The following TMEM132C variants were observed in gnomAD, a reference collection of about 807,000 sequenced individuals.
TMEM132C encodes transmembrane protein 132C.
TMEM132C carries 29 observed loss-of-function variants against 61.4 expected under a neutral mutation model. The observed-to-expected ratio is 0.47, with a 90% confidence interval of 0.35 to 0.64. TMEM132C has a LOEUF of 0.64. TMEM132C is among the 30% of genes least tolerant of loss of function. The pLI is 0.00. For missense variants in TMEM132C, 1,408 were observed against 1,476.9 expected (o/e 0.95, Z 0.76); for synonymous variants, 656 against 633.1 (o/e 1.04, Z -0.54).
intron 3 of TMEM132C, among the ~76,000 whole-genome samples, chr12:128,597,454 C>A (rs1876010145): frequency 6.7e-6 from 1 of 149,134 alleles, no homozygotes; most frequent in South Asian, 2.2e-4. Context: ...CTCCAGCCTG[C>A]AGAAAGAGAG....
At chr12:128,622,343 C>CAAAAAAAAAAAA (rs71069584) in intron 4 of TMEM132C, among the ~76,000 whole-genome samples, 1 of 16,106 alleles carries the variant, frequency 6.2e-5, no homozygotes, top group African/African-American at 2.1e-4. Flanking sequence ...GACTTTGTCT[C>CAAAAAAAAAAAA]AAAAAAAAAA....
chr12:128,484,699 G>A (rs977135885), intron 2 of TMEM132C, among the ~76,000 whole-genome samples: 3 of 152,198 alleles, frequency 2.0e-5, no homozygotes, highest in African/African-American at 7.2e-5. Flanking sequence ...ACTCATGCCT[G>A]TAATCTCAGC....
intron 2 of TMEM132C, among the ~76,000 whole-genome samples, chr12:128,443,482 G>T (rs1869867709): frequency 6.6e-6 from 1 of 152,150 alleles, no homozygotes; most frequent in Non-Finnish European, 1.5e-5. Flanking sequence ...TTTAAATTTA[G>T]CTGGAGGCAT....
chr12:128,425,821 A>G (rs944607286), intron 2 of TMEM132C, among the ~76,000 whole-genome samples: 1 of 152,138 alleles, frequency 6.6e-6, no homozygotes, highest in African/African-American at 2.4e-5. Flanking sequence ...CCTTTCTCTT[A>G]CTAGGACATC....
At position 128,415,887 on chromosome 12, in the gene TMEM132C, C is replaced by A. The variant is rs1305828846; in HGVS notation, c.974+267C>A. ...GATGAGAGTAATCCGCCTCTCTAGA[C>A]CTTCAGTTATCCTCACACTTGGAGA... On this transcript the variant is annotated intron_variant, in intron 2 of 8. Coordinates refer to ENST00000435159, the MANE Select transcript of TMEM132C (RefSeq NM_001136103.3). The surrounding 1 kb of genome is among the most constrained non-coding windows in gnomAD (Gnocchi z 5.8). Among the ~76,000 whole-genome samples, 1 of 152,114 alleles carries A rather than the reference C, an allele frequency of 6.6e-6. No individual in the cohort carries two copies. Among genetic ancestry groups the A allele is most frequent in the Non-Finnish European group, 1.5e-5 (1 of 68,028 alleles).
At chr12:128,311,788 G>A (rs1206117295) in intron 1 of TMEM132C, among the ~76,000 whole-genome samples, 1 of 152,184 alleles carries the variant, frequency 6.6e-6, no homozygotes, top group Non-Finnish European at 1.5e-5. Context: ...AGGCCAGCGA[G>A]GCCCCACCTC....
intron 1 of TMEM132C, among the ~76,000 whole-genome samples, chr12:128,325,406 C>T (rs1303745455): frequency 6.6e-6 from 1 of 152,078 alleles, no homozygotes; most frequent in Non-Finnish European, 1.5e-5. Flanking sequence ...TCACCATTCG[C>T]CGTTTGCTGT....
chr12:128,317,608 G>C (rs1444494756), intron 1 of TMEM132C, among the ~76,000 whole-genome samples: 5 of 152,224 alleles, frequency 3.3e-5, no homozygotes, highest in Non-Finnish European at 7.3e-5. Flanking sequence ...AATTAGGCCA[G>C]TCACATTGGC....
chr12:128,669,048 ATTC>A lies in TMEM132C; in HGVS notation c.1306-368_1306-366del, dbSNP rs573946242. Among the ~76,000 whole-genome samples, 178 of 152,324 alleles carry A rather than the reference ATTC, an allele frequency of 1.2e-3. 1 individual carries two copies. Among genetic ancestry groups the A allele is most frequent in the Middle Eastern group, 0.01 (3 of 294 alleles). On this transcript the variant is annotated intron_variant, in intron 4 of 8. Coordinates refer to ENST00000435159, the MANE Select transcript of TMEM132C (RefSeq NM_001136103.3). Reference sequence around the variant, plus strand: ...TTGCAGGAGGTGAGAGGAAAGCATTATTCAACTTACTGTGCTTGCTCAAGGTAC... The same window carrying A: ...TTGCAGGAGGTGAGAGGAAAGCATTAAACTTACTGTGCTTGCTCAAGGTAC...
chr12:128,550,670 C>T (rs916424130), intron 3 of TMEM132C, among the ~76,000 whole-genome samples: 3 of 152,174 alleles, frequency 2.0e-5, no homozygotes, highest in African/African-American at 7.2e-5. Flanking sequence ...CTTTATTTAA[C>T]CTTAATTACC....
At chr12:128,291,391 G>A (rs1417525565) in intron 1 of TMEM132C, among the ~76,000 whole-genome samples, 1 of 152,210 alleles carries the variant, frequency 6.6e-6, no homozygotes, top group Non-Finnish European at 1.5e-5. Flanking sequence ...TCTCCATACA[G>A]TGCCAGGTGC....
intron 2 of TMEM132C, among the ~76,000 whole-genome samples, chr12:128,441,364 T>C (rs1869778753): frequency 6.6e-6 from 1 of 152,230 alleles, no homozygotes; most frequent in African/African-American, 2.4e-5. Context: ...GCCTACCTAC[T>C]GGCATTTCTT....
chr12:128,527,332 T>C (rs141982110), intron 2 of TMEM132C, among the ~76,000 whole-genome samples: 3 of 152,316 alleles, frequency 2.0e-5, no homozygotes, highest in Non-Finnish European at 2.9e-5. Context: ...GCTGTTTTTT[T>C]ACGAAGGAGT....
chr12:128,644,606 C>G (rs1056399736), intron 4 of TMEM132C, among the ~76,000 whole-genome samples: 4 of 152,192 alleles, frequency 2.6e-5, no homozygotes, highest in African/African-American at 9.7e-5. Context: ...TTTTGAAGCA[C>G]ATATTAATTG....
At chr12:128,499,566 T>G (rs911569403) in intron 2 of TMEM132C, among the ~76,000 whole-genome samples, 5 of 152,222 alleles carry the variant, frequency 3.3e-5, no homozygotes, top group African/African-American at 9.6e-5. Context: ...TCTTAGCCTC[T>G]GACAACCATC....
intron 5 of TMEM132C, among the ~76,000 whole-genome samples, chr12:128,675,405 G>C (rs1023620756): frequency 2.0e-5 from 3 of 152,232 alleles, no homozygotes; most frequent in African/African-American, 7.2e-5. Context: ...GTACATGGCA[G>C]AGAAGGGATT....
At chr12:128,354,273 T>G (rs941796552) in intron 1 of TMEM132C, among the ~76,000 whole-genome samples, 1 of 152,086 alleles carries the variant, frequency 6.6e-6, no homozygotes, top group Non-Finnish European at 1.5e-5. Context: ...CCCTCTCTGA[T>G]CCGGCCACTC....
chr12:128,352,559 T>C (rs1284465337), intron 1 of TMEM132C, among the ~76,000 whole-genome samples: 1 of 152,126 alleles, frequency 6.6e-6, no homozygotes, highest in Non-Finnish European at 1.5e-5. Flanking sequence ...AACAAAATAA[T>C]GTTTGACCAA....
chr12:128,294,895 C>G (rs1157091433), intron 1 of TMEM132C, among the ~76,000 whole-genome samples: 1 of 146,958 alleles, frequency 6.8e-6, no homozygotes, highest in Non-Finnish European at 1.5e-5. Context: ...ATTTTGTAGT[C>G]AGATTTCAAA....
Sources: allele counts gnomAD v4.1 joint callset (sites outside exome capture counted in the v4.1 genomes callset), GRCh38; gene constraint gnomAD v4.1.1; non-coding constraint Gnocchi (gnomAD v3.1); transcripts MANE v1.5; gene names NCBI Gene and HGNC (gene_info 2026-07-23, HGNC 2026-07-21).